SH3PXD2A: variants seen among roughly 807,000 people sequenced by gnomAD.
SH3PXD2A encodes SH3 and PX domains 2A, also known as SH3 and PX domain-containing protein 2A.
SH3PXD2A carries 32 observed loss-of-function variants against 115.2 expected under a neutral mutation model. The observed-to-expected ratio is 0.28, with a 90% confidence interval of 0.21 to 0.37. The LOEUF (loss-of-function observed/expected upper bound fraction) is 0.37, where lower values mean the gene tolerates loss of function less well. Ranked by LOEUF, SH3PXD2A falls within the 10% of genes least tolerant of loss-of-function variation. The pLI is 1.00. For synonymous variants in SH3PXD2A, 610 were observed against 629.1 expected (o/e 0.97, Z 0.45); for missense variants, 1,328 against 1,498.7 (o/e 0.89, Z 1.88).
chr10:103,708,283 TC>T (rs1426124220), intron 5 of SH3PXD2A, among the ~76,000 whole-genome samples: 1 of 152,112 alleles, frequency 6.6e-6, no homozygotes, highest in African/African-American at 2.4e-5. Flanking sequence ...TCAGCTCGGG[TC>T]CCCAAGCTGG....
intron 2 of SH3PXD2A, among the ~76,000 whole-genome samples, chr10:103,791,723 C>T (rs1464631598): frequency 6.6e-6 from 1 of 151,838 alleles, no homozygotes; most frequent in Non-Finnish European, 1.5e-5. Context: ...ACCTGAGAGG[C>T]CCCCACAAGC....
At chr10:103,736,896 A>C in intron 3 of SH3PXD2A, 1 of 677,592 alleles carries the variant, frequency 1.5e-6, no homozygotes, top group Non-Finnish European at 2.3e-6. Context: ...CCTAGCAACA[A>C]AGGTAGCCAC....
chr10:103,769,490 C>G (rs2038797046), intron 2 of SH3PXD2A, among the ~76,000 whole-genome samples: 1 of 147,980 alleles, frequency 6.8e-6, no homozygotes, highest in South Asian at 2.1e-4. Context: ...TCTCTGTCAC[C>G]TAGGCTGGAG....
chr10:103,776,361 C>G (rs1267131579), intron 2 of SH3PXD2A, among the ~76,000 whole-genome samples: 1 of 149,720 alleles, frequency 6.7e-6, no homozygotes, highest in Admixed American at 6.7e-5. Flanking sequence ...CCACTGCACT[C>G]CAGCCTGGGT....
intron 1 of SH3PXD2A, among the ~76,000 whole-genome samples, chr10:103,841,909 G>C (rs2039602684): frequency 6.6e-6 from 1 of 152,126 alleles, no homozygotes; most frequent in East Asian, 1.9e-4. Flanking sequence ...TGGATCACGA[G>C]GTCAGGAGAT....
At chr10:103,673,794 C>T (rs1243605086) in intron 6 of SH3PXD2A, among the ~76,000 whole-genome samples, 1 of 152,172 alleles carries the variant, frequency 6.6e-6, no homozygotes, top group Non-Finnish European at 1.5e-5. Flanking sequence ...AGAATGAGTA[C>T]AGCCAACAGC....
intron 6 of SH3PXD2A, among the ~76,000 whole-genome samples, chr10:103,691,507 C>G (rs2037751382): frequency 6.6e-6 from 1 of 152,066 alleles, no homozygotes; most frequent in Non-Finnish European, 1.5e-5. Context: ...GCTGCGCCTT[C>G]CATTCTCCCA....
chr10:103,649,989 T>G (rs1004406161), intron 8 of SH3PXD2A, among the ~76,000 whole-genome samples: 5 of 152,192 alleles, frequency 3.3e-5, no homozygotes, highest in African/African-American at 1.2e-4. Context: ...CCCAGAAGCC[T>G]TGCTAGATGG....
intron 5 of SH3PXD2A, among the ~76,000 whole-genome samples, chr10:103,699,481 T>C (rs184422176): frequency 6.6e-6 from 1 of 152,166 alleles, no homozygotes; most frequent in East Asian, 1.9e-4. Context: ...AGGGCTATTG[T>C]GAGAATTCGA....
chr10:103,844,410 T>C (rs1842819739), intron 1 of SH3PXD2A, among the ~76,000 whole-genome samples: 1 of 152,218 alleles, frequency 6.6e-6, no homozygotes, highest in African/African-American at 2.4e-5. Flanking sequence ...TCCCTTAAAA[T>C]AGCCTTTTGG....
chr10:103,661,180 C>G (rs973460019), intron 7 of SH3PXD2A, 66 bp from the exon 8 acceptor site: 1 of 1,570,400 alleles, frequency 6.4e-7, no homozygotes, highest in Non-Finnish European at 8.6e-7. Context: ...AGGGCGCCCC[C>G]TGTCCATCGG....
intron 2 of SH3PXD2A, among the ~76,000 whole-genome samples, chr10:103,791,942 A>G (rs577832770): frequency 3.3e-5 from 5 of 152,206 alleles, no homozygotes; most frequent in Admixed American, 3.3e-4. Flanking sequence ...TTCCTCTCCC[A>G]ATATTCCACA....
intron 3 of SH3PXD2A, among the ~76,000 whole-genome samples, chr10:103,763,296 C>T (rs1228288796): frequency 3.9e-5 from 6 of 152,228 alleles, no homozygotes; most frequent in Non-Finnish European, 5.9e-5. Context: ...CCTAACACTC[C>T]AAGCACATCC....
intron 5 of SH3PXD2A, among the ~76,000 whole-genome samples, chr10:103,700,107 A>C (rs530422647): frequency 6.6e-6 from 1 of 152,326 alleles, no homozygotes; most frequent in East Asian, 1.9e-4. Context: ...TTGTTCCACT[A>C]TTCTGGGCAA....
intron 13 of SH3PXD2A, among the ~76,000 whole-genome samples, chr10:103,611,127 C>T (rs1033444663): frequency 1.3e-5 from 2 of 152,214 alleles, no homozygotes; most frequent in Admixed American, 1.3e-4. Flanking sequence ...GCAACTCACA[C>T]TCCTCCCTGG....
At chr10:103,771,778 CACAG>C (rs781395405) in intron 2 of SH3PXD2A, among the ~76,000 whole-genome samples, 1 of 147,566 alleles carries the variant, frequency 6.8e-6, no homozygotes, top group African/African-American at 2.5e-5. Context: ...CACACACACA[CACAG>C]ACACACACAT....
intron 7 of SH3PXD2A, among the ~76,000 whole-genome samples, chr10:103,662,350 GGGC>G (rs202160270): frequency 0.4 from 32,092 of 80,264 alleles, 8,194 homozygotes; most frequent in East Asian, 0.63. Context: ...GCGGGGGGGG[GGGC>G]GGGGGGGGAT....
intron 5 of SH3PXD2A, among the ~76,000 whole-genome samples, chr10:103,702,267 A>G (rs1029138740): frequency 6.6e-6 from 1 of 152,268 alleles, no homozygotes; most frequent in Admixed American, 6.5e-5. Flanking sequence ...GTGGCAGAAG[A>G]CACACTGTCC....
intron 7 of SH3PXD2A, among the ~76,000 whole-genome samples, chr10:103,662,492 C>T (rs1033131754): frequency 1.3e-5 from 2 of 149,022 alleles, no homozygotes; most frequent in Non-Finnish European, 3.0e-5. Context: ...CTCCGCTTCC[C>T]GGGTTCACGC....
Sources: gnomAD v4.1 joint callset for allele counts (sites outside exome capture counted in the v4.1 genomes callset) on GRCh38, gnomAD v4.1.1 for gene constraint, MANE v1.5 for transcripts, NCBI Gene and HGNC (gene_info 2026-07-23, HGNC 2026-07-21) for gene names.